SLC30A7: variants seen among roughly 807,000 people sequenced by gnomAD.
SLC30A7 encodes solute carrier family 30 member 7, also known as zinc transporter 7.
Under a neutral mutation model 46.0 loss-of-function variants are expected in SLC30A7, and 35 were observed. The observed-to-expected ratio is 0.76, with a 90% CI of 0.58 to 1.01. The LOEUF (loss-of-function observed/expected upper bound fraction) is 1.01. SLC30A7 is among the 50% of genes least tolerant of loss of function. SLC30A7 has a pLI of 0.00. For synonymous variants in SLC30A7, 147 were observed against 157.8 expected, an observed-to-expected ratio of 0.93 and a Z score of 0.51; for missense variants, 464 against 451.1, an observed-to-expected ratio of 1.03 and a Z score of -0.26.
At chr1:100,903,217 A>G (rs1454969571) in intron 2 of SLC30A7, among the ~76,000 whole-genome samples, 2 of 152,112 alleles carry the variant, frequency 1.3e-5, no homozygotes, top group East Asian at 3.8e-4. Context: ...ATTTTATCAG[A>G]GTAGAAAGAC....
chr1:100,958,116 C>T (rs1389116814), intron 8 of SLC30A7, among the ~76,000 whole-genome samples: 1 of 152,172 alleles, frequency 6.6e-6, no homozygotes, highest in African/African-American at 2.4e-5. Flanking sequence ...TTTCTCCAAC[C>T]TGGCTTTTAC....
chr1:100,983,125 T>G (rs573959476), downstream of SLC30A7, among the ~76,000 whole-genome samples: 1 of 152,278 alleles, frequency 6.6e-6, no homozygotes, highest in East Asian at 1.9e-4. Flanking sequence ...TAAACTCTTC[T>G]GAACAACTTT....
chr1:100,896,091 G>T lies in SLC30A7; in HGVS notation c.-172G>T, dbSNP rs1301858306. ...AGGACGCGTTGCGCGGCCCGGGCCG[G>T]AAGTAAGCGAATTCCCGGGTGTGTG... On this transcript the variant is annotated 5_prime_UTR_variant, in exon 1 of 11. Transcript: ENST00000357650. 6 of 639,182 alleles carry T rather than the reference G, an allele frequency of 9.4e-6. No homozygotes were observed. The highest frequency in any genetic ancestry group is 1.7e-5 in the Non-Finnish European group (6 of 356,966). 39.6% of individuals were successfully genotyped at this position (639,182 alleles called of 1,614,324 possible). A position where few individuals can be genotyped will look rare whatever the true frequency, so the allele number is the denominator to read the frequency against.
chr1:100,951,224 G>A (rs1199218846), intron 8 of SLC30A7, among the ~76,000 whole-genome samples: 1 of 152,006 alleles, frequency 6.6e-6, no homozygotes, highest in Non-Finnish European at 1.5e-5. Flanking sequence ...GCAGGGGAGG[G>A]GTATGTCAGG....
intron 6 of SLC30A7, among the ~76,000 whole-genome samples, chr1:100,917,690 T>C (rs1652662296): frequency 6.6e-6 from 1 of 152,236 alleles, no homozygotes; most frequent in Non-Finnish European, 1.5e-5. Context: ...ATAGTCAAGT[T>C]ATCTTTCTAT....
intron 9 of SLC30A7, among the ~76,000 whole-genome samples, chr1:100,964,773 G>A (rs1655778193): frequency 6.6e-6 from 1 of 152,154 alleles, no homozygotes; most frequent in African/African-American, 2.4e-5. Context: ...CTCAGCTTAA[G>A]GCCTCATCCA....
At chr1:100,921,444 C>T (rs1652929764) in intron 7 of SLC30A7, among the ~76,000 whole-genome samples, 1 of 152,266 alleles carries the variant, frequency 6.6e-6, no homozygotes, top group African/African-American at 2.4e-5. Flanking sequence ...CAACTTGCTT[C>T]TCTACTTCAT....
At chr1:100,992,977 A>G in the SLC30A7 span, among the ~76,000 whole-genome samples, 1 of 152,210 alleles carries the variant, frequency 6.6e-6, no homozygotes, top group South Asian at 2.1e-4. Flanking sequence ...GCAGGAACAC[A>G]TAAAGATAGA....
intron 8 of SLC30A7, among the ~76,000 whole-genome samples, chr1:100,959,458 G>T (rs1474419671): frequency 6.6e-6 from 1 of 152,210 alleles, no homozygotes; most frequent in African/African-American, 2.4e-5. Context: ...CAAGGTAGCA[G>T]CCGGGGCTGC....
chr1:100,971,689 A>G (rs1224605624), intron 10 of SLC30A7, among the ~76,000 whole-genome samples: 1 of 152,158 alleles, frequency 6.6e-6, no homozygotes, highest in Non-Finnish European at 1.5e-5. Context: ...CCCACACTCA[A>G]GTTACTGTTA....
At chr1:100,957,365 G>A (rs2101079065) in intron 8 of SLC30A7, among the ~76,000 whole-genome samples, 1 of 152,170 alleles carries the variant, frequency 6.6e-6, no homozygotes, top group African/African-American at 2.4e-5. Flanking sequence ...TGTGTCATTT[G>A]GTGACACTGC....
At chr1:100,956,382 T>G (rs1655221533) in intron 8 of SLC30A7, among the ~76,000 whole-genome samples, 1 of 152,144 alleles carries the variant, frequency 6.6e-6, no homozygotes, top group African/African-American at 2.4e-5. Flanking sequence ...ACTAGGTTAT[T>G]TTTTAAAAAG....
chr1:100,994,980 T>A, the SLC30A7 span: 1 of 617,932 alleles, frequency 1.6e-6, no homozygotes. Context: ...AGAATAAAAA[T>A]GCTTAATGTT....
intron 2 of SLC30A7, among the ~76,000 whole-genome samples, chr1:100,899,648 C>T (rs921720303): frequency 6.6e-6 from 1 of 151,990 alleles, no homozygotes; most frequent in Admixed American, 6.6e-5. Flanking sequence ...GAGCCACCGC[C>T]CCACAGCCTG....
chr1:100,914,966 A>G (rs1411241389), intron 6 of SLC30A7, among the ~76,000 whole-genome samples: 1 of 152,146 alleles, frequency 6.6e-6, no homozygotes, highest in Admixed American at 6.5e-5. Flanking sequence ...CTATTGAGAT[A>G]TGATTGACAT....
At chr1:100,901,093 A>G (rs1189971596) in intron 2 of SLC30A7, among the ~76,000 whole-genome samples, 1 of 152,170 alleles carries the variant, frequency 6.6e-6, no homozygotes, top group East Asian at 1.9e-4. Flanking sequence ...ATGCTTCTCT[A>G]AAAGATAAAA....
intron 2 of SLC30A7, among the ~76,000 whole-genome samples, chr1:100,906,414 C>G (rs1278420611): frequency 6.6e-6 from 1 of 152,198 alleles, no homozygotes; most frequent in East Asian, 1.9e-4. Flanking sequence ...CCTGTCCCCA[C>G]TGTCCTCAGC....
chr1:100,915,188 C>CTTTTTCT (rs777129299), intron 6 of SLC30A7, among the ~76,000 whole-genome samples: 1 of 123,736 alleles, frequency 8.1e-6, no homozygotes, highest in Non-Finnish European at 1.7e-5. Context: ...CTTTTCTTTT[C>CTTTTTCT]TTTCTTTTCT....
At chr1:100,910,232 A>C (rs1315722359) in intron 3 of SLC30A7, among the ~76,000 whole-genome samples, 9 of 152,096 alleles carry the variant, frequency 5.9e-5, no homozygotes, top group Non-Finnish European at 2.9e-5. Context: ...TAAGGACCAG[A>C]GTGGTTAATT....
Sources: gnomAD v4.1 joint callset for allele counts (sites outside exome capture counted in the v4.1 genomes callset) on GRCh38, gnomAD v4.1.1 for gene constraint, MANE v1.5 for transcripts, NCBI Gene and HGNC (gene_info 2026-07-23, HGNC 2026-07-21) for gene names.